PATJ: variants seen among roughly 807,000 people sequenced by gnomAD.
PATJ encodes inaD-like protein.
A neutral mutation model predicts 224.9 loss-of-function variants in PATJ; 190 were observed. The observed-to-expected ratio is 0.84, with a 90% CI of 0.75 to 0.95. The LOEUF (loss-of-function observed/expected upper bound fraction) is 0.95. Ranked by LOEUF, PATJ falls within the 40% of genes least tolerant of loss-of-function variation. PATJ has a pLI of 0.00. For synonymous variants in PATJ, 769 were observed against 820.3 expected, an observed-to-expected ratio of 0.94 and a Z score of 1.07; for missense variants, 2,121 against 2,270.3, an observed-to-expected ratio of 0.93 and a Z score of 1.34.
At chr1:61,811,315 G>A (rs970593123) in intron 14 of PATJ, among the ~76,000 whole-genome samples, 2 of 151,926 alleles carry the variant, frequency 1.3e-5, no homozygotes, top group East Asian at 1.9e-4. Context: ...TGTAACCTCC[G>A]CCTCCTGGGT....
chr1:62,064,843 A>G (rs1570411339), intron 31 of PATJ, among the ~76,000 whole-genome samples: 1 of 152,162 alleles, frequency 6.6e-6, no homozygotes, highest in East Asian at 1.9e-4. Context: ...CTGGTTTGCT[A>G]TTGGGAGCAA....
intron 28 of PATJ, among the ~76,000 whole-genome samples, chr1:62,007,445 CT>C (rs1219763986): frequency 1.3e-5 from 2 of 152,072 alleles, no homozygotes; most frequent in Non-Finnish European, 2.9e-5. Flanking sequence ...CTTTTTTCTT[CT>C]TTTGTATCTT....
chr1:61,956,148 G>C (rs763750152), intron 27 of PATJ, among the ~76,000 whole-genome samples: 2 of 152,224 alleles, frequency 1.3e-5, no homozygotes, highest in Non-Finnish European at 2.9e-5. Context: ...GTATGAGCCA[G>C]GCTTCTCAGC....
chr1:61,875,449 C>A, intron 21 of PATJ, 83 bp downstream of exon 21: 2 of 1,082,018 alleles, frequency 1.8e-6, no homozygotes, highest in Non-Finnish European at 2.6e-6. Context: ...TGAATTTCAC[C>A]GTCATATTTT....
chr1:62,035,084 AG>A (rs1650125828), intron 29 of PATJ, among the ~76,000 whole-genome samples: 1 of 152,194 alleles, frequency 6.6e-6, no homozygotes, highest in African/African-American at 2.4e-5. Flanking sequence ...GAGTGGGAAA[AG>A]GAATTATGAC....
chr1:62,061,534 G>T (rs1655436898), intron 31 of PATJ, among the ~76,000 whole-genome samples: 1 of 152,026 alleles, frequency 6.6e-6, no homozygotes, highest in Non-Finnish European at 1.5e-5. Flanking sequence ...TCCCACTTAT[G>T]CGTGAGAACA....
intron 27 of PATJ, among the ~76,000 whole-genome samples, chr1:61,963,772 A>G (rs762683691): frequency 6.6e-5 from 10 of 152,116 alleles, no homozygotes; most frequent in Non-Finnish European, 1.3e-4. Context: ...AATTTTGCAT[A>G]TACATGAACC....
chr1:61,857,669 C>T (rs1013924379), intron 18 of PATJ, among the ~76,000 whole-genome samples: 1 of 152,192 alleles, frequency 6.6e-6, no homozygotes, highest in Admixed American at 6.5e-5. Context: ...TAAGAATCAC[C>T]TGAGAGGTAG....
In PATJ at chr1:62,058,786, A is replaced by T. The variant is rs181477764; in HGVS notation, c.4125+7728A>T. Among the ~76,000 whole-genome samples, 5 of 152,328 alleles carry T rather than the reference A, an allele frequency of 3.3e-5. No homozygotes were observed. In the East Asian group the frequency reaches 9.7e-4, roughly 29 times the overall value. On this transcript the variant is annotated intron_variant, in intron 31 of 43. Coordinates refer to ENST00000642238, the MANE Select transcript of PATJ (RefSeq NM_001350145.3). ...CTGTGCAGCGTTTCGAGCTCTAGGC[A>T]TGTGAAGATAAGTAAGACCGCTTTC... is the stretch of plus-strand genomic sequence containing the variant.
intron 24 of PATJ, among the ~76,000 whole-genome samples, chr1:61,907,146 G>A (rs141479685): frequency 1.7e-3 from 255 of 152,108 alleles, no homozygotes; most frequent in African/African-American, 5.7e-3. Flanking sequence ...TCCTGAGGCC[G>A]CCCCAGCCAT....
chr1:61,795,440 T>G, intron 9 of PATJ, 27 bp from the exon 10 acceptor site: 1 of 1,420,352 alleles, frequency 7.0e-7, no homozygotes, highest in East Asian at 2.4e-5. Context: ...ATTTTCTTCC[T>G]TTTTCCGTAT....
chr1:61,986,736 T>TC (rs1216724660), intron 27 of PATJ, among the ~76,000 whole-genome samples: 1 of 150,686 alleles, frequency 6.6e-6, no homozygotes, highest in African/African-American at 2.5e-5. Flanking sequence ...ACCTATTTTT[T>TC]CTCGTTAAGT....
intron 27 of PATJ, among the ~76,000 whole-genome samples, chr1:61,937,248 G>A (rs902316117): frequency 4.6e-5 from 7 of 151,276 alleles, no homozygotes; most frequent in South Asian, 2.1e-4. Flanking sequence ...TTCTTTTTTC[G>A]TTTTGAGACA....
At chr1:62,091,820 C>A (rs937445066) in intron 33 of PATJ, among the ~76,000 whole-genome samples, 8 of 152,016 alleles carry the variant, frequency 5.3e-5, no homozygotes, top group African/African-American at 1.9e-4. Context: ...CTTTGGGAGG[C>A]CGAGGTGGGC....
At chr1:62,043,894 C>A (rs371232603) in intron 30 of PATJ, among the ~76,000 whole-genome samples, 1 of 152,040 alleles carries the variant, frequency 6.6e-6, no homozygotes. Context: ...TACCTGGCTA[C>A]TATAAGATTT....
chr1:62,123,045 T>C lies in PATJ; in HGVS notation c.5030T>C (p.Val1677Ala), dbSNP rs780968177. The C allele has an allele frequency of 4.4e-6, 7 of 1,597,134 alleles. No individual in the cohort carries two copies. The South Asian group carries it at 6.8e-5, about 15-fold the overall frequency. ...GGCACAGATATGGAACCAAGGACTGTTGAGATAAACAGGGTAAGTCAGTCA... is the reference window on the plus strand; with the variant it reads ...GGCACAGATATGGAACCAAGGACTGCTGAGATAAACAGGGTAAGTCAGTCA... ...NSGTDMEPRT[V>A]EINRELSDAL... Residue 1677 changes from valine to alanine, a missense_variant, in exon 39 of 44, where the codon GTT becomes GCT. By Grantham distance (64) the Val-to-Ala change is moderately conservative. Coordinates refer to ENST00000642238, the MANE Select transcript of PATJ (RefSeq NM_001350145.3).
chr1:61,878,028 C>A (rs1269307992), intron 21 of PATJ, among the ~76,000 whole-genome samples: 1 of 152,186 alleles, frequency 6.6e-6, no homozygotes, highest in African/African-American at 2.4e-5. Context: ...ATGGAGGAGG[C>A]AGTGGGGCAG....
At chr1:62,059,156 G>A (rs528991069) in intron 31 of PATJ, among the ~76,000 whole-genome samples, 1 of 152,270 alleles carries the variant, frequency 6.6e-6, no homozygotes, top group East Asian at 1.9e-4. Context: ...TGGACATGCA[G>A]ATATAGTAGC....
At position 61,771,465 on chromosome 1, in the gene PATJ, G is replaced by A; in HGVS notation, c.559G>A (p.Ala187Thr). The change falls in exon 6 of 44, where the codon GCC (alanine) becomes ACC (threonine). Residue 187 changes from alanine to threonine, a missense_variant. Physicochemically the swap from Ala to Thr is moderately conservative, Grantham distance 58. Coordinates refer to ENST00000642238, the MANE Select transcript of PATJ (RefSeq NM_001350145.3). ...QRLKENDQIL[A>T]INHTPLDQNI... Reference sequence around the variant, plus strand: ...ATTAAAGGAAAATGATCAAATATTGGCCATTAATCACACGCCATTGGATCA... The same window carrying A: ...ATTAAAGGAAAATGATCAAATATTGACCATTAATCACACGCCATTGGATCA... The A allele has an allele frequency of 6.2e-7, 1 of 1,601,950 alleles. No homozygotes were observed.
Sources: allele counts gnomAD v4.1 joint callset (sites outside exome capture counted in the v4.1 genomes callset), GRCh38; gene constraint gnomAD v4.1.1; transcripts MANE v1.5; gene names NCBI Gene and HGNC (gene_info 2026-07-23, HGNC 2026-07-21).